The following ACSS1 variants were observed in gnomAD, a reference collection of about 807,000 sequenced individuals.
The protein encoded by ACSS1 is acyl-CoA synthetase short chain family member 1, also known as acetyl-coenzyme A synthetase 2-like, mitochondrial.
ACSS1 carries 42 observed loss-of-function variants against 75.3 expected under a neutral mutation model. The ratio of observed to expected loss-of-function variants is 0.56; its 90% CI spans 0.44 to 0.72. The LOEUF (loss-of-function observed/expected upper bound fraction) is 0.72, where lower values mean the gene tolerates loss of function less well. Ranked by LOEUF, ACSS1 falls within the 30% of genes least tolerant of loss-of-function variation. The pLI is 0.00. For synonymous variants in ACSS1, 380 were observed against 376.8 expected, an observed-to-expected ratio of 1.01 and a Z score of -0.10; for missense variants, 782 against 935.7, an observed-to-expected ratio of 0.84 and a Z score of 2.14.
chr20:25,015,053 G>A, intron 8 of ACSS1, 85 bp downstream of exon 8: 1 of 1,221,894 alleles, frequency 8.2e-7, no homozygotes, highest in Non-Finnish European at 1.1e-6. Context: ...ACCTGCTGTT[G>A]AGAGCTTGGA....
chr20:25,046,938 A>C, intron 2 of ACSS1: 2 of 779,408 alleles, frequency 2.6e-6, no homozygotes, highest in Admixed American at 3.4e-5. Flanking sequence ...GGGTCAGCAA[A>C]GGAGCCCTGG....
chr20:25,031,230 G>A (rs1453541841), intron 2 of ACSS1: 3 of 514,042 alleles, frequency 5.8e-6, no homozygotes, highest in East Asian at 8.1e-5. Context: ...TTTTTTTAGG[G>A]GAACAGGAGC....
chr20:25,051,515 C>T (rs1053145103), intron 1 of ACSS1, among the ~76,000 whole-genome samples: 16 of 152,304 alleles, frequency 1.1e-4, no homozygotes, highest in South Asian at 6.2e-4. Flanking sequence ...CCCCAGAGGA[C>T]GTGTTAGCTG....
chr20:25,006,652 G>A lies in ACSS1; in HGVS notation c.*1110C>T, dbSNP rs2088313444. ...GGCCTCCTTCCCCTGCCAACCGCCA[G>A]CCCCTGCATGCCTAGCAGGGAGGTA... is the stretch of plus-strand genomic sequence containing the variant. On this transcript the variant is annotated 3_prime_UTR_variant, in exon 14 of 14. Transcript: ENST00000323482. 1 of 688,028 alleles carries A rather than the reference G, an allele frequency of 1.5e-6. No individual in the cohort carries two copies. Among genetic ancestry groups the A allele is most frequent in the Non-Finnish European group, 2.3e-6 (1 of 434,422 alleles). 42.6% of individuals were successfully genotyped at this position (688,028 alleles called of 1,614,324 possible). A position where few individuals can be genotyped will look rare whatever the true frequency, so the allele number is the denominator to read the frequency against.
At chr20:25,027,779 C>CAAA (rs78414153) in intron 3 of ACSS1, among the ~76,000 whole-genome samples, 4 of 75,352 alleles carry the variant, frequency 5.3e-5, no homozygotes, top group South Asian at 5.5e-4. Context: ...AGTGATCAGG[C>CAAA]AAAAAAAAAA....
chr20:25,022,326 A>G (rs1344885147), intron 5 of ACSS1, among the ~76,000 whole-genome samples: 1 of 152,228 alleles, frequency 6.6e-6, no homozygotes, highest in African/African-American at 2.4e-5. Context: ...ACACCACTGC[A>G]CTCTAACCTG....
intron 7 of ACSS1, among the ~76,000 whole-genome samples, chr20:25,019,401 G>A (rs2088576714): frequency 6.6e-6 from 1 of 152,232 alleles, no homozygotes; most frequent in African/African-American, 2.4e-5. Flanking sequence ...TGAACTGTCT[G>A]CCTGGAAATG....
At position 25,022,920 on chromosome 20, in the gene ACSS1, C is replaced by T. The variant is rs1233457724; in HGVS notation, c.960+20G>A. ...CTGGATCCCTGCCAAGGGCCCAGCA[C>T]CGCCCGCACAGGCCTGTACCTTGTG... On this transcript the variant is annotated intron_variant, in intron 5 of 13. Coordinates refer to ENST00000323482, the MANE Select transcript of ACSS1 (RefSeq NM_032501.4). 1 of 1,592,890 alleles carries T rather than the reference C, an allele frequency of 6.3e-7. No individual in the cohort carries two copies. Among genetic ancestry groups the T allele is most frequent in the Non-Finnish European group, 8.6e-7 (1 of 1,169,444 alleles).
intron 7 of ACSS1, among the ~76,000 whole-genome samples, chr20:25,018,802 A>C (rs961472906): frequency 3.3e-5 from 5 of 152,214 alleles, no homozygotes; most frequent in African/African-American, 9.7e-5. Context: ...AATGGGGAAA[A>C]TAAGGGAAAA....
At chr20:25,030,117 A>T (rs1269438056) in intron 3 of ACSS1, among the ~76,000 whole-genome samples, 1 of 152,232 alleles carries the variant, frequency 6.6e-6, no homozygotes, top group East Asian at 1.9e-4. Context: ...ATGAGGCACA[A>T]GAATTCTCAA....
At chr20:25,023,322 G>T in intron 4 of ACSS1, 144 bp downstream of exon 4, 1 of 1,099,328 alleles carries the variant, frequency 9.1e-7, no homozygotes, top group Non-Finnish European at 1.3e-6. Context: ...TATCTTCCCA[G>T]TCAGGACTCA....
intron 2 of ACSS1, chr20:25,032,403 G>A (rs2088842374): frequency 4.3e-6 from 6 of 1,403,368 alleles, no homozygotes; most frequent in Middle Eastern, 1.8e-4. Flanking sequence ...AAGTGGAAGC[G>A]ATCCCAAGGT....
chr20:25,032,925 A>T (rs997639611), intron 2 of ACSS1, among the ~76,000 whole-genome samples: 1 of 152,130 alleles, frequency 6.6e-6, no homozygotes, highest in Non-Finnish European at 1.5e-5. Context: ...CTTCTGTGGG[A>T]TTTCATCGTT....
At chr20:25,053,060 C>CT (rs1171891974) in intron 1 of ACSS1, among the ~76,000 whole-genome samples, 5,106 of 118,042 alleles carry the variant, frequency 0.043, 285 homozygotes, top group African/African-American at 0.081. Flanking sequence ...TCACAATGAG[C>CT]TTTTTTTTTT....
At chr20:25,045,978 T>G (rs867815736) in intron 2 of ACSS1, 24 of 152,264 alleles carry the variant, frequency 1.6e-4, no homozygotes, top group African/African-American at 5.5e-4. Context: ...CAGGATGGAG[T>G]GCAGTGGCAC....
Position 25,007,417 on chromosome 20 carries a change from T to G in ACSS1, c.*345A>C. On this transcript the variant is annotated 3_prime_UTR_variant, in exon 14 of 14. Coordinates refer to ENST00000323482, the MANE Select transcript of ACSS1 (RefSeq NM_032501.4). ...TTGCTACTAGCTAACTAGCTCTGTG[T>G]TATCTGAGCAGGCGCGCTATCCCAG... is the stretch of plus-strand genomic sequence containing the variant. 8.7e-7 allele frequency: 1 copy of G among 1,144,402 alleles called. No homozygotes were observed. Among genetic ancestry groups the G allele is most frequent in the Non-Finnish European group, 1.1e-6 (1 of 928,680 alleles). The allele number at this position is 1,144,402 out of a possible 1,614,324, so 70.9% of individuals were successfully genotyped here. A position where few individuals can be genotyped will look rare whatever the true frequency, so the allele number is the denominator to read the frequency against.
intron 2 of ACSS1, among the ~76,000 whole-genome samples, chr20:25,040,609 T>C (rs1332880884): frequency 6.6e-6 from 1 of 152,258 alleles, no homozygotes; most frequent in Admixed American, 6.5e-5. Flanking sequence ...CCTTGACTTA[T>C]AACATTTGCC....
chr20:25,009,273 G>T lies in ACSS1; in HGVS notation c.1887C>A (p.Ile629=), dbSNP rs779759527. ...KIAKYAVPDE[I]LVVKRLPKTR... is the part of the protein sequence containing the mutation. ...TCTTTGTGGGAGGCCCACTCACCAG[G>T]ATCTCATCAGGCACAGCATATTTGG... Residue 629 remains isoleucine, a synonymous_variant, in exon 13 of 14, where the codon ATC becomes ATA. Transcript: ENST00000323482. 3 of 1,611,178 alleles carry T rather than the reference G, an allele frequency of 1.9e-6. No homozygotes were observed. Among genetic ancestry groups the T allele is most frequent in the Non-Finnish European group, 2.5e-6 (3 of 1,177,276 alleles).
chr20:25,040,013 T>C (rs1346075778), intron 2 of ACSS1, among the ~76,000 whole-genome samples: 6 of 152,230 alleles, frequency 3.9e-5, no homozygotes, highest in Non-Finnish European at 8.8e-5. Context: ...GCTGGTGCCC[T>C]GGCAGAACAT....
Sources: allele counts gnomAD v4.1 joint callset (sites outside exome capture counted in the v4.1 genomes callset), GRCh38; gene constraint gnomAD v4.1.1; transcripts MANE v1.5; gene names NCBI Gene and HGNC (gene_info 2026-07-23, HGNC 2026-07-21).